GRIK3: variants seen among roughly 807,000 people sequenced by gnomAD.
The protein encoded by GRIK3 is glutamate receptor ionotropic, kainate 3.
Under a neutral mutation model 102.5 loss-of-function variants are expected in GRIK3, and 29 were observed. That is an observed-to-expected ratio of 0.28 (90% CI 0.21 to 0.39). The LOEUF is 0.39. GRIK3 is among the 10% of genes least tolerant of loss of function. GRIK3 has a pLI of 1.00. For missense variants in GRIK3, 908 were observed against 1,252.4 expected, an observed-to-expected ratio of 0.73 and a Z score of 4.15; for synonymous variants, 511 against 504.9, an observed-to-expected ratio of 1.01 and a Z score of -0.16.
intron 1 of GRIK3, among the ~76,000 whole-genome samples, chr1:36,953,522 A>C (rs925919250): frequency 9.2e-5 from 14 of 152,250 alleles, no homozygotes; most frequent in African/African-American, 2.6e-4. Context: ...GCTAGGGCAT[A>C]CGTAAGGAGA....
intron 7 of GRIK3, among the ~76,000 whole-genome samples, chr1:36,856,195 C>G (rs937098676): frequency 9.9e-5 from 15 of 152,256 alleles, no homozygotes; most frequent in Admixed American, 7.2e-4. Context: ...TGGCCTCACG[C>G]CTTCAGGCTA....
At chr1:37,017,679 C>A (rs1187146471) in intron 1 of GRIK3, among the ~76,000 whole-genome samples, 1 of 152,160 alleles carries the variant, frequency 6.6e-6, no homozygotes, top group African/African-American at 2.4e-5. Context: ...GAGGGCAAAC[C>A]TGAATAGGCT....
intron 15 of GRIK3, among the ~76,000 whole-genome samples, 153 bp from the exon 16 acceptor site, chr1:36,802,198 C>T (rs1442653824): frequency 6.6e-6 from 1 of 152,188 alleles, no homozygotes. Flanking sequence ...CTGCCACCTG[C>T]AGGATGATTA....
At chr1:36,983,704 A>T (rs1390207637) in intron 1 of GRIK3, among the ~76,000 whole-genome samples, 1 of 152,020 alleles carries the variant, frequency 6.6e-6, no homozygotes, top group African/African-American at 2.4e-5. Flanking sequence ...CCTTCAAAAC[A>T]GGCCCTCCTT....
chr1:36,818,043 A>T (rs1642651453), intron 12 of GRIK3, among the ~76,000 whole-genome samples: 1 of 152,212 alleles, frequency 6.6e-6, no homozygotes. Flanking sequence ...CTTTCAAGAG[A>T]TTTAAATTGC....
Position 36,992,310 on chromosome 1 carries a change from G to A in GRIK3, c.115+41684C>T, listed in dbSNP as rs1010476083. On this transcript the variant is annotated intron_variant, in intron 1 of 15. Transcript: ENST00000373091. ...GACCCTGTGGGCCTGCAGGCAGGGA[G>A]AGGCTGGAGAGGGAGGTGTGGGTGG... Among the ~76,000 whole-genome samples, 4 of 152,172 alleles carry A rather than the reference G, an allele frequency of 2.6e-5. No homozygotes were observed. The South Asian group carries it at 8.3e-4, about 32-fold the overall frequency.
chr1:37,005,497 A>G (rs78177199), intron 1 of GRIK3, among the ~76,000 whole-genome samples: 6,274 of 152,320 alleles, frequency 0.041, 317 homozygotes, highest in African/African-American at 0.12. Flanking sequence ...AGAGAACAAC[A>G]AAGGCACTGG....
chr1:36,996,752 C>T lies in GRIK3; in HGVS notation c.115+37242G>A, dbSNP rs975730173. 4.6e-5 allele frequency among the ~76,000 whole-genome samples: 7 copies of T among 152,280 alleles called. No homozygotes were observed. The Middle Eastern group carries it at 0.014, about 296-fold the overall frequency. Reference sequence around the variant, plus strand: ...CTCCCATTCTGCTAGAACTTGGTCACGTGTGGAGGGATAAGAATGAGCTTC... The same window carrying T: ...CTCCCATTCTGCTAGAACTTGGTCATGTGTGGAGGGATAAGAATGAGCTTC... On this transcript the variant is annotated intron_variant, in intron 1 of 15. Coordinates refer to ENST00000373091, the MANE Select transcript of GRIK3 (RefSeq NM_000831.4).
chr1:36,978,078 T>C (rs1207192133), intron 1 of GRIK3, among the ~76,000 whole-genome samples: 1 of 152,252 alleles, frequency 6.6e-6, no homozygotes, highest in Non-Finnish European at 1.5e-5. Context: ...ACGACGCAAT[T>C]TAAATAGCAC....
chr1:36,981,017 C>T (rs890507859), intron 1 of GRIK3, among the ~76,000 whole-genome samples: 16 of 152,170 alleles, frequency 1.1e-4, no homozygotes, highest in Admixed American at 3.3e-4. Context: ...ATACTGATTG[C>T]TGGATGTATA....
rs3012032 is a variant in GRIK3 at position 36,817,283 on chromosome 1, C to T, written c.1874-6G>A. On this transcript the variant is annotated splice_region_variant and splice_polypyrimidine_tract_variant and intron_variant, in intron 12 of 15. Coordinates refer to ENST00000373091, the MANE Select transcript of GRIK3 (RefSeq NM_000831.4). The stretch of plus-strand genomic sequence containing the variant: ...TTTGGGCATCAGCTCAGACCCTGGG[C>T]GAAGAGAGGAGATAGTCAGTCCCTT... 0.15 allele frequency: 244,128 copies of T among 1,591,532 alleles called. 20,703 individuals carry two copies. The highest frequency in any genetic ancestry group is 0.33 in the African/African-American group (24,832 of 74,386).
intron 9 of GRIK3, among the ~76,000 whole-genome samples, chr1:36,845,409 T>C (rs2124220958): frequency 6.6e-6 from 1 of 152,292 alleles, no homozygotes; most frequent in East Asian, 1.9e-4. Context: ...GACTTTCCGT[T>C]GTCAGGGCTC....
At position 36,825,824 on chromosome 1, in the gene GRIK3, C is replaced by G; in HGVS notation, c.1533G>C (p.Lys511Asn). The G allele has an allele frequency of 6.2e-7, 1 of 1,602,888 alleles. No individual in the cohort carries two copies. Among genetic ancestry groups the G allele is most frequent in the Non-Finnish European group, 8.5e-7 (1 of 1,173,318 alleles). The change falls in exon 11 of 16, where the codon AAG (lysine) becomes AAC (asparagine). Residue 511 changes from lysine (K) to asparagine (N), a missense_variant and splice_region_variant. By Grantham distance (94) the Lys-to-Asn change is moderately conservative. Around this residue, in one of 3 missense-constraint regions of GRIK3, gnomAD observed 585 missense variants for 824.9 expected, o/e 0.71. Transcript: ENST00000373091. ...NGMVKELIDH[K>N]ADLAVAPLTI... is the part of the protein sequence containing the mutation. Reference sequence around the variant, plus strand: ...TCAGGGGGGCCACGGCCAGATCTGCCTTCTGCAACCAGACAGAGAGAGAAA... The same window carrying G: ...TCAGGGGGGCCACGGCCAGATCTGCGTTCTGCAACCAGACAGAGAGAGAAA...
chr1:36,959,723 G>A lies in GRIK3; in HGVS notation c.116-68627C>T, dbSNP rs1033918259. Among the ~76,000 whole-genome samples the A allele has an allele frequency of 6.3e-5, 7 of 111,230 alleles. 2 individuals carry two copies. Among genetic ancestry groups the A allele is most frequent in the Non-Finnish European group, 9.7e-5 (5 of 51,520 alleles). The allele number at this position is 111,230 out of a possible 152,430, so 73.0% of individuals were successfully genotyped here. On this transcript the variant is annotated intron_variant, in intron 1 of 15. Coordinates refer to ENST00000373091, the MANE Select transcript of GRIK3 (RefSeq NM_000831.4). ...CTTGAGCCTGTGTGCTTTGTGAGTCGGTGTGTCCCATGAGTCTGTGCGCCC... is the reference window on the plus strand; with the variant it reads ...CTTGAGCCTGTGTGCTTTGTGAGTCAGTGTGTCCCATGAGTCTGTGCGCCC...
rs1557712191 is a variant in GRIK3, at chr1:36,880,910, C to G, written c.293-19G>C. On this transcript the variant is annotated intron_variant, in intron 2 of 15. Transcript: ENST00000373091. This position sits in a 1 kb window ranked among gnomAD's most constrained non-coding sequence, Gnocchi z 5.4. ...TCACAGGCTGCAACAGAGGGTAGGG[C>G]AGCACAGGGGTCAGCACTGGGGCTG... 1 of 1,587,316 alleles carries G rather than the reference C, an allele frequency of 6.3e-7. No homozygotes were observed. The highest frequency in any genetic ancestry group is 8.6e-7 in the Non-Finnish European group (1 of 1,166,464).
At chr1:36,868,528 G>T (rs1640810208) in intron 5 of GRIK3, among the ~76,000 whole-genome samples, 1 of 152,212 alleles carries the variant, frequency 6.6e-6, no homozygotes, top group African/African-American at 2.4e-5. Context: ...CTCTCTGGGG[G>T]AGGCGGCTCT....
intron 1 of GRIK3, among the ~76,000 whole-genome samples, chr1:37,007,062 C>T (rs1365106263): frequency 6.6e-6 from 1 of 152,174 alleles, no homozygotes; most frequent in East Asian, 1.9e-4. Context: ...AGTCAGAGGA[C>T]AGGCCCACAT....
In GRIK3 at chr1:36,841,756, C is replaced by T. The variant is rs1640453996; in HGVS notation, c.1510G>A (p.Val504Ile). The T allele has an allele frequency of 6.2e-7, 1 of 1,614,114 alleles. No homozygotes were observed. The highest frequency in any genetic ancestry group is 1.3e-5 in the African/African-American group (1 of 75,058). ...QDDKGQWNGM[V>I]KELIDHKADL... is the part of the protein sequence containing the mutation. The stretch of plus-strand genomic sequence containing the variant: ...CTTACGTGGTCGATGAGCTCCTTGA[C>T]CATGCCGTTCCACTGGCCCTTGTCA... The change falls in exon 10 of 16, where the codon GTC becomes ATC. Residue 504 changes from valine to isoleucine, a missense_variant. Coordinates refer to ENST00000373091, the MANE Select transcript of GRIK3 (RefSeq NM_000831.4).
chr1:36,886,904 C>T (rs555795710), intron 2 of GRIK3, among the ~76,000 whole-genome samples: 1 of 152,284 alleles, frequency 6.6e-6, no homozygotes, highest in South Asian at 2.1e-4. Context: ...GTGAGGTTCA[C>T]CTATGATGTT....
Sources: gnomAD v4.1 joint callset for allele counts (sites outside exome capture counted in the v4.1 genomes callset) on GRCh38, gnomAD v4.1.1 for gene constraint, gnomAD v4.1.1 regional missense constraint, Gnocchi (gnomAD v3.1) non-coding constraint, MANE v1.5 for transcripts, NCBI Gene and HGNC (gene_info 2026-07-23, HGNC 2026-07-21) for gene names.